The following TMEM74 variants were observed in gnomAD, a reference collection of about 807,000 sequenced individuals.
TMEM74 encodes the protein transmembrane protein 74.
A neutral mutation model predicts 18.1 loss-of-function variants in TMEM74; 13 were observed. The ratio of observed to expected loss-of-function variants is 0.72; its 90% confidence interval spans 0.47 to 1.14. The LOEUF (loss-of-function observed/expected upper bound fraction) is 1.14, where lower values mean the gene tolerates loss of function less well. Ranked by LOEUF, TMEM74 falls within the 50% of genes most tolerant of loss-of-function variation. The pLI is 0.00. For missense variants in TMEM74, 372 were observed against 375.9 expected, an observed-to-expected ratio of 0.99 and a Z score of 0.09; for synonymous variants, 159 against 146.6, an observed-to-expected ratio of 1.08 and a Z score of -0.61.
intron 1 of TMEM74, among the ~76,000 whole-genome samples, chr8:108,707,596 G>A (rs1792983579): frequency 6.6e-6 from 1 of 152,158 alleles, no homozygotes; most frequent in South Asian, 2.1e-4. Context: ...ATGGAAAAAG[G>A]ATAGTTTCTT....
At chr8:108,739,381 G>A (rs540577175) in intron 1 of TMEM74, among the ~76,000 whole-genome samples, 12 of 152,252 alleles carry the variant, frequency 7.9e-5, no homozygotes, top group Admixed American at 1.3e-4. Flanking sequence ...TAAAACTGTC[G>A]TGTGCTGTAT....
intron 1 of TMEM74, among the ~76,000 whole-genome samples, chr8:108,731,829 A>G (rs970324544): frequency 1.3e-5 from 2 of 152,162 alleles, no homozygotes; most frequent in African/African-American, 4.8e-5. Context: ...TATTTCCTAT[A>G]AGAGAGATTT....
chr8:108,628,369 C>T (rs1461846263), intron 2 of TMEM74, among the ~76,000 whole-genome samples: 8 of 152,086 alleles, frequency 5.3e-5, no homozygotes, highest in Non-Finnish European at 1.0e-4. Flanking sequence ...TCTCTGCAGA[C>T]ACCAACTAAG....
chr8:108,617,940 C>T (rs943007470), intron 2 of TMEM74, among the ~76,000 whole-genome samples: 5 of 152,102 alleles, frequency 3.3e-5, no homozygotes, highest in Admixed American at 1.3e-4. Context: ...GAAGCACCAG[C>T]ATGGGTCGTG....
At chr8:108,652,229 G>A (rs1043018330) in intron 2 of TMEM74, 1 of 152,268 alleles carries the variant, frequency 6.6e-6, no homozygotes, top group African/African-American at 2.4e-5. Context: ...TATTGGTTAA[G>A]TAAATTATAG....
intron 1 of TMEM74, among the ~76,000 whole-genome samples, chr8:108,763,964 C>T (rs1814073628): frequency 2.6e-5 from 4 of 152,092 alleles, no homozygotes; most frequent in Non-Finnish European, 5.9e-5. Context: ...GAAAAGCCTC[C>T]CAGTGGGAAA....
intron 1 of TMEM74, among the ~76,000 whole-genome samples, chr8:108,731,758 A>G (rs914818318): frequency 7.9e-5 from 12 of 152,084 alleles, no homozygotes; most frequent in African/African-American, 2.4e-4. Flanking sequence ...TAGCCATACC[A>G]TGTCTTAATA....
At chr8:108,768,427 G>A (rs1814134214) in intron 1 of TMEM74, among the ~76,000 whole-genome samples, 1 of 152,002 alleles carries the variant, frequency 6.6e-6, no homozygotes, top group Non-Finnish European at 1.5e-5. Flanking sequence ...CCTATCATCT[G>A]AGTGTTCTTT....
At position 108,782,058 on chromosome 8, in the gene TMEM74, T is replaced by G. The variant is rs74889111; in HGVS notation, c.*2123A>C. Among the ~76,000 whole-genome samples, 2,994 of 152,318 alleles carry G rather than the reference T, an allele frequency of 0.02. 108 individuals are homozygous for G. The highest frequency in any genetic ancestry group is 0.068 in the African/African-American group (2,817 of 41,568). On this transcript the variant is annotated 3_prime_UTR_variant, in exon 2 of 2. Coordinates refer to ENST00000297459, the MANE Select transcript of TMEM74 (RefSeq NM_153015.3). ...CTCATTTAGCTTCTATGAATAAACA[T>G]TAGTTTTTTCTTTAATGCCTTCTTT...
At position 108,677,038 on chromosome 8, in the gene TMEM74, C is replaced by A. The variant is rs530124058; in HGVS notation, n.120-21601G>T. On this transcript the variant is annotated intron_variant and non_coding_transcript_variant, in intron 1 of 3. Transcript: ENST00000518838. ...TTCAAAGATCAATTATTCTTTCCAG[C>A]TATTGGCACTTACAGTTTAACCTTC... Among the ~76,000 whole-genome samples the A allele has an allele frequency of 2.6e-5, 4 of 152,336 alleles. No individual in the cohort carries two copies. The South Asian group carries it at 8.3e-4, about 32-fold the overall frequency.
chr8:108,718,249 C>G lies in TMEM74; in HGVS notation n.120-62812G>C, dbSNP rs112877711. Among the ~76,000 whole-genome samples, 3 of 72,162 alleles carry G rather than the reference C, an allele frequency of 4.2e-5. 1 individual carries two copies. The highest frequency in any genetic ancestry group is 6.7e-5 in the Non-Finnish European group (3 of 44,862). 47.3% of individuals were successfully genotyped at this position (72,162 alleles called of 152,430 possible). The stretch of plus-strand genomic sequence containing the variant: ...CTGGGATTACAGGCGTGAGCCACCG[C>G]GCCCGGCCCTGACTTAGGTTTTAAA... On this transcript the variant is annotated intron_variant and non_coding_transcript_variant, in intron 1 of 3. Coordinates refer to the TMEM74 transcript ENST00000518838.
rs1814282813 is a variant in TMEM74, at chr8:108,779,943, GAAT to G, written c.*4235_*4237del. Among the ~76,000 whole-genome samples, 1 of 152,072 alleles carries G rather than the reference GAAT, an allele frequency of 6.6e-6. No individual in the cohort carries two copies. The highest frequency in any genetic ancestry group is 1.5e-5 in the Non-Finnish European group (1 of 68,008). ...ATAAAATTTGTGAGATGATAATATA[GAAT>G]ATTATGAACCAAAAACAGATATAGC... On this transcript the variant is annotated 3_prime_UTR_variant, in exon 2 of 2. Coordinates refer to ENST00000297459, the MANE Select transcript of TMEM74 (RefSeq NM_153015.3).
Position 108,779,425 on chromosome 8 carries a change from A to G in TMEM74, c.*4756T>C, listed in dbSNP as rs982229182. On this transcript the variant is annotated 3_prime_UTR_variant, in exon 2 of 2. Coordinates refer to ENST00000297459, the MANE Select transcript of TMEM74 (RefSeq NM_153015.3). ...CACAGGAGAGTTACCCAAATTTGAA[A>G]CAAAGGAATATACTCCCCATAGTCC... Among the ~76,000 whole-genome samples, 1 of 152,172 alleles carries G rather than the reference A, an allele frequency of 6.6e-6. No homozygotes were observed. Among genetic ancestry groups the G allele is most frequent in the African/African-American group, 2.4e-5 (1 of 41,434 alleles).
At chr8:108,754,943 G>A (rs1195257072) in intron 1 of TMEM74, among the ~76,000 whole-genome samples, 7 of 151,894 alleles carry the variant, frequency 4.6e-5, no homozygotes, top group African/African-American at 1.5e-4. Flanking sequence ...ATTCAGGCCC[G>A]CAATGAATTG....
chr8:108,694,193 G>A (rs1813258932), intron 1 of TMEM74, among the ~76,000 whole-genome samples: 1 of 152,104 alleles, frequency 6.6e-6, no homozygotes, highest in South Asian at 2.1e-4. Context: ...TACAATCAAT[G>A]GCATTTAGTA....
At chr8:108,665,843 A>G (rs1812944344) in intron 1 of TMEM74, among the ~76,000 whole-genome samples, 2 of 152,180 alleles carry the variant, frequency 1.3e-5, no homozygotes, top group Admixed American at 6.6e-5. Flanking sequence ...TCTAAAGGAT[A>G]CTTGATTCAA....
In TMEM74 at chr8:108,784,410, C is replaced by T. The variant is rs141941950; in HGVS notation, c.689G>A (p.Arg230His). ...ESARLGAHLD[R>H]CVIAGLCLLT... ...GAGGCAGAGCCCCGCAATCACACAGCGGTCCAGGTGAGCCCCCAGCCTCGC... is the reference window on the plus strand; with the variant it reads ...GAGGCAGAGCCCCGCAATCACACAGTGGTCCAGGTGAGCCCCCAGCCTCGC... Residue 230 changes from arginine to histidine, a missense_variant, in exon 2 of 2, where the codon CGC becomes CAC. By Grantham distance (29) the Arg-to-His change is conservative (BLOSUM62 0). Coordinates refer to ENST00000297459, the MANE Select transcript of TMEM74 (RefSeq NM_153015.3). 6.2e-7 allele frequency: 1 copy of T among 1,614,102 alleles called. No homozygotes were observed. The highest frequency in any genetic ancestry group is 8.5e-7 in the Non-Finnish European group (1 of 1,180,020).
At chr8:108,646,909 G>T (rs965092592) in intron 2 of TMEM74, among the ~76,000 whole-genome samples, 1 of 152,130 alleles carries the variant, frequency 6.6e-6, no homozygotes, top group African/African-American at 2.4e-5. Flanking sequence ...ACAGGGGTGG[G>T]TTCCTCCTTG....
intron 1 of TMEM74, among the ~76,000 whole-genome samples, chr8:108,721,427 G>A (rs890258460): frequency 2.0e-5 from 3 of 152,246 alleles, no homozygotes; most frequent in African/African-American, 7.2e-5. Context: ...CTTTCTGACC[G>A]TGGATTCTCT....
Sources: allele counts gnomAD v4.1 joint callset (sites outside exome capture counted in the v4.1 genomes callset), GRCh38; gene constraint gnomAD v4.1.1; transcripts MANE v1.5; gene names NCBI Gene and HGNC (gene_info 2026-07-23, HGNC 2026-07-21).